The following XKR7 variants were observed in gnomAD, a reference collection of about 807,000 sequenced individuals.
XKR7 encodes the protein XK related 7.
Under a neutral mutation model 42.2 loss-of-function variants are expected in XKR7, and 11 were observed. That is an observed-to-expected ratio of 0.26 (90% CI 0.16 to 0.43). XKR7 has a LOEUF of 0.43. Among genes scored for constraint, XKR7 ranks in the 20% least tolerant of loss-of-function variants. The pLI, the probability that XKR7 is intolerant of heterozygous loss-of-function variation, is 1.00. For missense variants in XKR7, 710 were observed against 802.2 expected, an observed-to-expected ratio of 0.89 and a Z score of 1.39; for synonymous variants, 346 against 366.4, an observed-to-expected ratio of 0.94 and a Z score of 0.64.
intron 1 of XKR7, among the ~76,000 whole-genome samples, chr20:31,991,235 C>T (rs1439952533): frequency 6.6e-6 from 1 of 152,148 alleles, no homozygotes; most frequent in African/African-American, 2.4e-5. Context: ...TGTCACCTTC[C>T]CCCAACTCCC....
intron 1 of XKR7, among the ~76,000 whole-genome samples, chr20:31,985,008 T>C (rs1470104557): frequency 6.6e-6 from 1 of 152,208 alleles, no homozygotes; most frequent in Non-Finnish European, 1.5e-5. Context: ...CGTTCATATG[T>C]ATAAAAAGTC....
intron 1 of XKR7, among the ~76,000 whole-genome samples, chr20:31,984,894 T>C (rs1252925394): frequency 6.6e-6 from 1 of 152,214 alleles, no homozygotes; most frequent in East Asian, 1.9e-4. Flanking sequence ...TAACTTGCTG[T>C]GTGACTTGGG....
chr20:31,997,270 C>T lies in XKR7; in HGVS notation c.1553C>T (p.Thr518Ile). Reference protein sequence around the residue: ...PPTPVARTLRTEGPVIRIDLP... With the variant: ...PPTPVARTLRIEGPVIRIDLP... ...ACACCAGTGGCCCGCACCTTGCGGA[C>T]AGAGGGGCCTGTCATCCGGATTGAC... The change falls in exon 3 of 3, where the codon ACA (threonine) becomes ATA (isoleucine). Residue 518 changes from threonine (T) to isoleucine (I), a missense_variant. Physicochemically the swap from Thr to Ile is moderately conservative, Grantham distance 89 (BLOSUM62 -1). Transcript: ENST00000562532. 1 of 1,612,330 alleles carries T rather than the reference C, an allele frequency of 6.2e-7. No individual in the cohort carries two copies. The highest frequency in any genetic ancestry group is 8.5e-7 in the Non-Finnish European group (1 of 1,180,002).
intron 1 of XKR7, among the ~76,000 whole-genome samples, chr20:31,977,683 T>A (rs2064491708): frequency 1.3e-5 from 2 of 152,168 alleles, no homozygotes. Context: ...GGGTCCTAAC[T>A]CTCACCCACT....
intron 1 of XKR7, among the ~76,000 whole-genome samples, chr20:31,992,491 C>A (rs1568890328): frequency 6.6e-6 from 1 of 151,894 alleles, no homozygotes; most frequent in African/African-American, 2.4e-5. Context: ...GGCTGAGGTC[C>A]CTGTCCTGGG....
At position 31,968,896 on chromosome 20, in the gene XKR7, C is replaced by T. The variant is rs1343621567; in HGVS notation, c.584+137C>T. The T allele has an allele frequency of 7.4e-7, 1 of 1,349,202 alleles. No homozygotes were observed. Among genetic ancestry groups the T allele is most frequent in the Admixed American group, 3.0e-5 (1 of 32,980 alleles). The allele number at this position is 1,349,202 out of a possible 1,614,324, so 83.6% of individuals were successfully genotyped here. A position where few individuals can be genotyped will look rare whatever the true frequency, so the allele number is the denominator to read the frequency against. ...TCCCCCCCTCCCCACCCCATTGCAGCTCTAATTTCTTCTCAGTCGGCTTCT... is the reference window on the plus strand; with the variant it reads ...TCCCCCCCTCCCCACCCCATTGCAGTTCTAATTTCTTCTCAGTCGGCTTCT... On this transcript the variant is annotated intron_variant, in intron 1 of 2. Transcript: ENST00000562532. The surrounding 1 kb of genome is among the most constrained non-coding windows in gnomAD (Gnocchi z 4.5).
chr20:31,984,443 G>A (rs2064528026), intron 1 of XKR7, among the ~76,000 whole-genome samples: 1 of 152,166 alleles, frequency 6.6e-6, no homozygotes, highest in African/African-American at 2.4e-5. Context: ...GAAGGACTTG[G>A]GTTCAGGACA....
rs570061544 is a variant in XKR7 at position 31,996,677 on chromosome 20, C to T, written c.960C>T (p.Phe320=). 53 of 1,605,912 alleles carry T rather than the reference C, an allele frequency of 3.3e-5. 1 individual carries two copies. The South Asian group carries it at 5.4e-4, about 17-fold the overall frequency. Residue 320 remains phenylalanine (F), a synonymous_variant, in exon 3 of 3, where the codon TTC becomes TTT. Transcript: ENST00000562532. ...IAARGLAFAL[F]ASVYKLYFGI... is the part of the protein sequence containing the mutation. ...CCCGCGGCCTGGCCTTCGCGCTCTT[C>T]GCCAGCGTCTACAAGCTCTATTTTG...
chr20:31,993,111 C>T (rs6061077), intron 1 of XKR7, among the ~76,000 whole-genome samples: 1,899 of 150,674 alleles, frequency 0.013, 16 homozygotes, highest in Non-Finnish European at 0.016. Flanking sequence ...CACACACACA[C>T]ACACATACAC....
chr20:31,988,680 A>G lies in XKR7; in HGVS notation c.585-6388A>G, dbSNP rs2064554255. Among the ~76,000 whole-genome samples, 4 of 152,184 alleles carry G rather than the reference A, an allele frequency of 2.6e-5. No individual in the cohort carries two copies. The South Asian group carries it at 8.3e-4, about 32-fold the overall frequency. On this transcript the variant is annotated intron_variant, in intron 1 of 2. Transcript: ENST00000562532. The stretch of plus-strand genomic sequence containing the variant: ...GTTGCGTGTTAGGTTAACAGCATGG[A>G]CTACAGTGTCTGGCTCACTTCAGGC...
At chr20:31,994,113 G>A (rs2064581080) in intron 1 of XKR7, among the ~76,000 whole-genome samples, 1 of 152,192 alleles carries the variant, frequency 6.6e-6, no homozygotes, top group African/African-American at 2.4e-5. Context: ...CTTGCACCCT[G>A]GGGTGAGAGC....
At chr20:31,986,510 G>A (rs1253939330) in intron 1 of XKR7, among the ~76,000 whole-genome samples, 3 of 54,458 alleles carry the variant, frequency 5.5e-5, no homozygotes, top group African/African-American at 8.8e-5. Context: ...AGTATCCAAG[G>A]CACAGACAGA....
Position 31,997,431 on chromosome 20 carries a change from C to T in XKR7, c.1714C>T (p.Leu572=). The change falls in exon 3 of 3, where the codon CTG becomes TTG. Residue 572 remains leucine (L), a synonymous_variant. Transcript: ENST00000562532. ...QYRSVGTSQE[L]LEYETTV Reference sequence around the variant, plus strand: ...CCGGAGTGTGGGGACTTCCCAGGAGCTGCTGGAGTATGAGACCACAGTGTA... The same window carrying T: ...CCGGAGTGTGGGGACTTCCCAGGAGTTGCTGGAGTATGAGACCACAGTGTA... 2 of 1,598,134 alleles carry T rather than the reference C, an allele frequency of 1.3e-6. No homozygotes were observed. Among genetic ancestry groups the T allele is most frequent in the Non-Finnish European group, 1.7e-6 (2 of 1,179,270 alleles).
Position 31,993,088 on chromosome 20 carries a change from CCACACA to C in XKR7, c.585-1957_585-1952del, listed in dbSNP as rs374683030. Among the ~76,000 whole-genome samples, 9 of 147,408 alleles carry C rather than the reference CCACACA, an allele frequency of 6.1e-5. No homozygotes were observed. In the East Asian group the frequency reaches 1.2e-3, roughly 20 times the overall value. On this transcript the variant is annotated intron_variant, in intron 1 of 2. Coordinates refer to ENST00000562532, the MANE Select transcript of XKR7 (RefSeq NM_001011718.2). Reference sequence around the variant, plus strand: ...GAGAATCTGTGTAAGGGTTCCCCCTCCACACACACACACACACACACACACACATAC... The same window carrying C: ...GAGAATCTGTGTAAGGGTTCCCCCTCCACACACACACACACACACACATAC...
chr20:32,003,249 G>C lies in XKR7; in HGVS notation c.*5792G>C, dbSNP rs1263130711. ...TCCCCCTGACCCCCATTCACCCTCC[G>C]AGCTTCCCCCAGGAGGGGGAGGGGG... On this transcript the variant is annotated 3_prime_UTR_variant, in exon 3 of 3. Coordinates refer to ENST00000562532, the MANE Select transcript of XKR7 (RefSeq NM_001011718.2). The C allele has an allele frequency of 6.6e-6, 1 of 152,136 alleles. No individual in the cohort carries two copies. Among genetic ancestry groups the C allele is most frequent in the East Asian group, 1.9e-4 (1 of 5,190 alleles). The allele number at this position is 152,136 out of a possible 1,614,324, so 9.4% of individuals were successfully genotyped here. A position where few individuals can be genotyped will look rare whatever the true frequency, so the allele number is the denominator to read the frequency against.
intron 1 of XKR7, among the ~76,000 whole-genome samples, chr20:31,989,014 GAGATCCCTGC>G (rs2064555868): frequency 6.6e-6 from 1 of 152,142 alleles, no homozygotes; most frequent in Admixed American, 6.5e-5. Flanking sequence ...CAAGACAGAC[GAGATCCCTGC>G]CCTCATGGAT....
At chr20:31,994,759 C>T (rs1476232628) in intron 1 of XKR7, among the ~76,000 whole-genome samples, 2 of 152,152 alleles carry the variant, frequency 1.3e-5, no homozygotes, top group Non-Finnish European at 2.9e-5. Flanking sequence ...GCTCAGCGCA[C>T]TCCAAGGTGT....
Position 31,997,261 on chromosome 20 carries a change from C to T in XKR7, c.1544C>T (p.Thr515Ile). 2 of 1,612,288 alleles carry T rather than the reference C, an allele frequency of 1.2e-6. No individual in the cohort carries two copies. Among genetic ancestry groups the T allele is most frequent in the African/African-American group, 1.3e-5 (1 of 75,070 alleles). ...TTGCCTCCCACACCAGTGGCCCGCACCTTGCGGACAGAGGGGCCTGTCATC... is the reference window on the plus strand; with the variant it reads ...TTGCCTCCCACACCAGTGGCCCGCATCTTGCGGACAGAGGGGCCTGTCATC... ...PGLPPTPVAR[T>I]LRTEGPVIRI... The change falls in exon 3 of 3, where the codon ACC becomes ATC. Residue 515 changes from threonine to isoleucine, a missense_variant. Physicochemically the swap from Thr to Ile is moderately conservative, Grantham distance 89. Around this residue, in one of 2 missense-constraint regions of XKR7, gnomAD observed 708 missense variants for 786.2 expected, o/e 0.90. Transcript: ENST00000562532.
At chr20:31,973,819 G>A (rs2064474340) in intron 1 of XKR7, among the ~76,000 whole-genome samples, 1 of 152,204 alleles carries the variant, frequency 6.6e-6, no homozygotes, top group Non-Finnish European at 1.5e-5. Flanking sequence ...CATGACACGG[G>A]GAGCCCAGGA....
Sources: allele counts gnomAD v4.1 joint callset (sites outside exome capture counted in the v4.1 genomes callset), GRCh38; gene constraint gnomAD v4.1.1; regional missense constraint gnomAD v4.1.1; non-coding constraint Gnocchi (gnomAD v3.1); transcripts MANE v1.5; gene names NCBI Gene and HGNC (gene_info 2026-07-23, HGNC 2026-07-21).